The following SHISA9 variants were observed in gnomAD, a reference collection of about 807,000 sequenced individuals.
The protein encoded by SHISA9 is shisa family member 9.
Under a neutral mutation model 38.0 loss-of-function variants are expected in SHISA9, and 13 were observed. That is an observed-to-expected ratio of 0.34 (90% confidence interval 0.22 to 0.54). The LOEUF (loss-of-function observed/expected upper bound fraction) is 0.54. Ranked by LOEUF, SHISA9 falls within the 20% of genes least tolerant of loss-of-function variation. The pLI is 0.91. For missense variants in SHISA9, 538 were observed against 575.8 expected (o/e 0.93, Z 0.67); for synonymous variants, 275 against 242.0 (o/e 1.14, Z -1.27).
At chr16:13,454,934 C>G in the SHISA9 span, among the ~76,000 whole-genome samples, 19 of 152,212 alleles carry the variant, frequency 1.2e-4, no homozygotes, top group Middle Eastern at 3.4e-3. Context: ...AGTGTTCACC[C>G]CACTCTATTT....
chr16:13,139,953 C>G (rs1260025430), intron 2 of SHISA9, among the ~76,000 whole-genome samples: 1 of 152,156 alleles, frequency 6.6e-6, no homozygotes, highest in Non-Finnish European at 1.5e-5. Flanking sequence ...GCCTCACCCA[C>G]CTCTCACCTG....
At chr16:13,052,215 A>G (rs1389637075) in intron 2 of SHISA9, among the ~76,000 whole-genome samples, 2 of 152,246 alleles carry the variant, frequency 1.3e-5, no homozygotes, top group African/African-American at 2.4e-5. Flanking sequence ...GTGGTGTCAG[A>G]CAAGTTAGAA....
chr16:12,957,937 C>G (rs2071858202), intron 2 of SHISA9, among the ~76,000 whole-genome samples: 1 of 152,192 alleles, frequency 6.6e-6, no homozygotes, highest in Non-Finnish European at 1.5e-5. Context: ...GCTCGACTTT[C>G]AAGACCTTAT....
At chr16:13,266,148 G>A in the SHISA9 span, among the ~76,000 whole-genome samples, 1 of 152,168 alleles carries the variant, frequency 6.6e-6, no homozygotes, top group Admixed American at 6.5e-5. Flanking sequence ...GCTTTATAAA[G>A]GAAAGCAGGA....
the SHISA9 span, among the ~76,000 whole-genome samples, chr16:13,448,626 T>C: frequency 1.4e-4 from 22 of 152,358 alleles, no homozygotes; most frequent in Admixed American, 8.5e-4. Context: ...TCATTTCTCA[T>C]TGATGGCTCC....
the SHISA9 span, among the ~76,000 whole-genome samples, chr16:13,437,114 G>T: frequency 3.3e-5 from 5 of 152,094 alleles, no homozygotes; most frequent in African/African-American, 1.2e-4. Context: ...TGCAATTCAG[G>T]ATGAGATTCG....
At chr16:13,542,171 G>A in the SHISA9 span, among the ~76,000 whole-genome samples, 6 of 152,166 alleles carry the variant, frequency 3.9e-5, no homozygotes, top group Non-Finnish European at 5.9e-5. Context: ...TTCTGCCCTT[G>A]AGCCTTCAGA....
the SHISA9 span, among the ~76,000 whole-genome samples, chr16:13,498,764 G>T: frequency 6.6e-6 from 1 of 151,978 alleles, no homozygotes; most frequent in African/African-American, 2.4e-5. Context: ...CTCAAAAAAA[G>T]AAAATAAAAG....
the SHISA9 span, among the ~76,000 whole-genome samples, chr16:13,295,982 A>C: frequency 6.6e-6 from 1 of 152,130 alleles, no homozygotes; most frequent in Non-Finnish European, 1.5e-5. Flanking sequence ...GACTCTGTAT[A>C]TGTCTATTAG....
chr16:12,969,189 G>A (rs1307047400), intron 2 of SHISA9, among the ~76,000 whole-genome samples: 1 of 151,368 alleles, frequency 6.6e-6, no homozygotes, highest in Non-Finnish European at 1.5e-5. Context: ...AAAAAACGGA[G>A]GTGCACACGA....
chr16:13,474,244 CAT>C, the SHISA9 span: 2 of 152,172 alleles, frequency 1.3e-5, no homozygotes, highest in East Asian at 3.8e-4. Flanking sequence ...CTCCTCAAAA[CAT>C]AGAAAGCAGA....
intron 2 of SHISA9, among the ~76,000 whole-genome samples, chr16:13,049,212 A>C (rs1032634699): frequency 6.7e-5 from 8 of 120,142 alleles, no homozygotes; most frequent in East Asian, 2.6e-4. Context: ...GTGTATGTGT[A>C]TGTGTCTGTG....
intron 2 of SHISA9, among the ~76,000 whole-genome samples, chr16:13,069,722 A>ATT (rs1278855365): frequency 6.6e-6 from 1 of 151,954 alleles, no homozygotes. Context: ...TTATGTCTTG[A>ATT]AACTTAATCT....
intron 2 of SHISA9, among the ~76,000 whole-genome samples, chr16:13,007,019 C>G (rs772835995): frequency 3.3e-5 from 5 of 152,096 alleles, no homozygotes; most frequent in African/African-American, 1.2e-4. Context: ...TGCTGTTGAG[C>G]CCCCAAATTA....
intron 2 of SHISA9, among the ~76,000 whole-genome samples, chr16:13,179,739 C>T (rs951965786): frequency 4.6e-5 from 7 of 152,198 alleles, no homozygotes; most frequent in Admixed American, 4.6e-4. Context: ...ATCCAAGAAT[C>T]TATGACCCCA....
At chr16:13,184,125 A>G (rs960950477) in intron 2 of SHISA9, among the ~76,000 whole-genome samples, 2 of 152,052 alleles carry the variant, frequency 1.3e-5, no homozygotes, top group Non-Finnish European at 2.9e-5. Flanking sequence ...ACTCTCAGTC[A>G]TAGTAGCTGC....
the SHISA9 span, among the ~76,000 whole-genome samples, chr16:13,252,770 G>C: frequency 1.3e-5 from 2 of 152,116 alleles, no homozygotes; most frequent in South Asian, 2.1e-4. Context: ...AGAAATCTTT[G>C]AGTGCTCCCA....
chr16:13,368,735 G>A, the SHISA9 span, among the ~76,000 whole-genome samples: 1 of 80,708 alleles, frequency 1.2e-5, no homozygotes. Context: ...GGCAAGATAT[G>A]TGCAAAAAAA....
At chr16:13,435,142 A>G in the SHISA9 span, among the ~76,000 whole-genome samples, 1 of 152,140 alleles carries the variant, frequency 6.6e-6, no homozygotes, top group South Asian at 2.1e-4. Flanking sequence ...TATCCCAAGG[A>G]TTTGTTTTTG....
Sources: allele counts gnomAD v4.1 joint callset (sites outside exome capture counted in the v4.1 genomes callset), GRCh38; gene constraint gnomAD v4.1.1; transcripts MANE v1.5; gene names NCBI Gene and HGNC (gene_info 2026-07-23, HGNC 2026-07-21).